Variants in WIPF3 observed in about 807,000 individuals in gnomAD.
WIPF3 encodes WAS/WASL-interacting protein family member 3.
WIPF3 carries 33 observed loss-of-function variants against 38.9 expected under a neutral mutation model. The observed-to-expected ratio is 0.85, with a 90% CI of 0.64 to 1.14. The LOEUF (loss-of-function observed/expected upper bound fraction) is 1.14, where lower values mean the gene tolerates loss of function less well. WIPF3 is among the 50% of genes most tolerant of loss of function. The probability of loss-of-function intolerance (pLI) is 0.00; values close to 1 mark genes in which losing one functional copy is unlikely to be tolerated. For missense variants in WIPF3, 711 were observed against 652.5 expected (o/e 1.09, Z -0.98); for synonymous variants, 324 against 269.3 (o/e 1.20, Z -1.99).
chr7:29,851,705 C>A (rs1339829019), intron 2 of WIPF3, among the ~76,000 whole-genome samples: 1 of 152,246 alleles, frequency 6.6e-6, no homozygotes, highest in East Asian at 1.9e-4. Context: ...GCAAGACCAG[C>A]TGCATGGCCG....
At chr7:29,840,371 G>A (rs1583598552) in intron 2 of WIPF3, among the ~76,000 whole-genome samples, 1 of 152,294 alleles carries the variant, frequency 6.6e-6, no homozygotes, top group Middle Eastern at 3.4e-3. Flanking sequence ...CCCAGCTCAG[G>A]TGTCCCTTCC....
intron 1 of WIPF3, among the ~76,000 whole-genome samples, chr7:29,811,392 G>A (rs928002778): frequency 2.0e-5 from 3 of 152,086 alleles, no homozygotes; most frequent in African/African-American, 7.2e-5. Context: ...AATAGATAAT[G>A]AAACTGAGGT....
rs766409168 is a variant in WIPF3 at position 29,888,189 on chromosome 7, A to T, written c.1221A>T (p.Gln407His). 4 of 1,611,904 alleles carry T rather than the reference A, an allele frequency of 2.5e-6. No homozygotes were observed. The highest frequency in any genetic ancestry group is 3.4e-5 in the Admixed American group (2 of 59,694). Residue 407 changes from glutamine (Q) to histidine (H), a missense_variant, in exon 6 of 9, where the codon CAA (glutamine) becomes CAT (histidine). Coordinates refer to ENST00000242140, the MANE Select transcript of WIPF3 (RefSeq NM_001080529.3). Reference protein sequence around the residue: ...AWTPTQQPGGQLRNGSLHIID... With the variant: ...AWTPTQQPGGHLRNGSLHIID... Reference sequence around the variant, plus strand: ...CCCCGACGCAGCAGCCTGGAGGTCAACTGCGAAATGGAAGCCTGCACATCA... The same window carrying T: ...CCCCGACGCAGCAGCCTGGAGGTCATCTGCGAAATGGAAGCCTGCACATCA...
At chr7:29,822,827 A>G (rs1562770639) in intron 1 of WIPF3, among the ~76,000 whole-genome samples, 1 of 152,200 alleles carries the variant, frequency 6.6e-6, no homozygotes. Context: ...AAAGGAAGAA[A>G]CAGATATTTT....
chr7:29,888,502 T>TGTGC (rs753408805), intron 6 of WIPF3, among the ~76,000 whole-genome samples: 40 of 87,326 alleles, frequency 4.6e-4, no homozygotes, highest in Middle Eastern at 7.2e-3. Flanking sequence ...TGCGTGTGCG[T>TGTGC]GTGTGTGCGT....
chr7:29,808,443 G>A (rs1784321312), intron 1 of WIPF3, among the ~76,000 whole-genome samples: 1 of 152,238 alleles, frequency 6.6e-6, no homozygotes, highest in Admixed American at 6.5e-5. Context: ...AAAGGTCACA[G>A]AGGTTAAATT....
At chr7:29,911,782 CA>C (rs1786509942) in intron 8 of WIPF3, among the ~76,000 whole-genome samples, 1 of 152,054 alleles carries the variant, frequency 6.6e-6, no homozygotes, top group African/African-American at 2.4e-5. Context: ...AAAATTAACT[CA>C]AAATGAATCG....
intron 2 of WIPF3, among the ~76,000 whole-genome samples, chr7:29,868,642 C>T (rs920347354): frequency 1.3e-5 from 2 of 151,918 alleles, no homozygotes; most frequent in East Asian, 3.9e-4. Flanking sequence ...TCTGAAGCGT[C>T]TACATTGTTA....
At chr7:29,889,037 C>T (rs866321246) in intron 6 of WIPF3, among the ~76,000 whole-genome samples, 21 of 152,248 alleles carry the variant, frequency 1.4e-4, no homozygotes, top group African/African-American at 4.1e-4. Context: ...AGCTTCCTTA[C>T]GGTGTTATTG....
chr7:29,806,869 C>A (rs1326515924), intron 1 of WIPF3, among the ~76,000 whole-genome samples, 191 bp downstream of exon 1: 1 of 151,168 alleles, frequency 6.6e-6, no homozygotes, highest in Non-Finnish European at 1.5e-5. Flanking sequence ...ACGTGCCGCG[C>A]GGCGCTCACG....
chr7:29,891,531 A>G (rs568951833), intron 7 of WIPF3, among the ~76,000 whole-genome samples: 3 of 152,322 alleles, frequency 2.0e-5, no homozygotes, highest in South Asian at 2.1e-4. Context: ...AGGGATCAGT[A>G]TGAAGGAGGA....
intron 8 of WIPF3, among the ~76,000 whole-genome samples, chr7:29,911,383 T>G (rs1786502484): frequency 6.6e-6 from 1 of 152,098 alleles, no homozygotes; most frequent in Non-Finnish European, 1.5e-5. Context: ...CTCAATGACA[T>G]TTTCTTCAGA....
intron 8 of WIPF3, among the ~76,000 whole-genome samples, chr7:29,910,919 A>G (rs1935152578): frequency 6.6e-6 from 1 of 152,172 alleles, no homozygotes; most frequent in Admixed American, 6.5e-5. Flanking sequence ...TATCCAGAGC[A>G]AAGTTGGGCA....
At chr7:29,898,763 GTCTTTTCTC>G (rs943665559) in intron 7 of WIPF3, among the ~76,000 whole-genome samples, 4 of 152,088 alleles carry the variant, frequency 2.6e-5, no homozygotes, top group Non-Finnish European at 1.5e-5. Flanking sequence ...CATATTTCTG[GTCTTTTCTC>G]TCTTTATTTG....
chr7:29,900,759 A>G (rs905459554), intron 7 of WIPF3, among the ~76,000 whole-genome samples: 8 of 152,240 alleles, frequency 5.3e-5, no homozygotes, highest in African/African-American at 1.9e-4. Flanking sequence ...CCAAAGCAGA[A>G]GTAAAGTGGC....
chr7:29,902,263 T>TTA (rs1786298071), intron 7 of WIPF3, among the ~76,000 whole-genome samples: 1 of 129,566 alleles, frequency 7.7e-6, no homozygotes, highest in Non-Finnish European at 1.6e-5. Flanking sequence ...TGTTTTCTTC[T>TTA]TCTTCTTCTT....
At chr7:29,806,941 A>G (rs1221625857) in intron 1 of WIPF3, among the ~76,000 whole-genome samples, 1 of 150,494 alleles carries the variant, frequency 6.6e-6, no homozygotes, top group Admixed American at 6.6e-5. Flanking sequence ...GCGGAAACAA[A>G]CCGCGGGGTG....
At chr7:29,892,504 G>A (rs1443812677) in intron 7 of WIPF3, among the ~76,000 whole-genome samples, 1 of 152,268 alleles carries the variant, frequency 6.6e-6, no homozygotes, top group Admixed American at 6.5e-5. Context: ...CATGGACCCT[G>A]CAGTGGATGC....
At chr7:29,890,384 A>C (rs1785981070) in intron 7 of WIPF3, among the ~76,000 whole-genome samples, 1 of 146,432 alleles carries the variant, frequency 6.8e-6, no homozygotes, top group Admixed American at 6.8e-5. Context: ...AGAGAGAGAG[A>C]ATGAGGTGAT....
Sources: gnomAD v4.1 joint callset for allele counts (sites outside exome capture counted in the v4.1 genomes callset) on GRCh38, gnomAD v4.1.1 for gene constraint, MANE v1.5 for transcripts, NCBI Gene and HGNC (gene_info 2026-07-23, HGNC 2026-07-21) for gene names.